The following ANKS1B variants were observed in gnomAD, a reference collection of about 807,000 sequenced individuals.
ANKS1B encodes the protein ankyrin repeat and sterile alpha motif domain-containing protein 1B.
ANKS1B carries 36 observed loss-of-function variants against 148.3 expected under a neutral mutation model. The ratio of observed to expected loss-of-function variants is 0.24; its 90% CI spans 0.19 to 0.32. ANKS1B has a LOEUF of 0.32. Ranked by LOEUF, ANKS1B falls within the 10% of genes least tolerant of loss-of-function variation. The pLI, the probability that ANKS1B is intolerant of heterozygous loss-of-function variation, is 1.00. For synonymous variants in ANKS1B, 542 were observed against 560.8 expected, an observed-to-expected ratio of 0.97 and a Z score of 0.47; for missense variants, 1,157 against 1,542.6, an observed-to-expected ratio of 0.75 and a Z score of 4.19.
At chr12:99,558,370 G>A (rs2097299673) in intron 9 of ANKS1B, among the ~76,000 whole-genome samples, 1 of 152,156 alleles carries the variant, frequency 6.6e-6, no homozygotes, top group Non-Finnish European at 1.5e-5. Context: ...CAGCAGTGGG[G>A]CAGCGGGGTA....
At chr12:98,936,819 T>A (rs1287210772) in intron 17 of ANKS1B, among the ~76,000 whole-genome samples, 1 of 152,200 alleles carries the variant, frequency 6.6e-6, no homozygotes, top group African/African-American at 2.4e-5. Flanking sequence ...AAGGATTACA[T>A]AATTGAACAC....
chr12:98,762,638 G>A (rs1231928822), intron 25 of ANKS1B, among the ~76,000 whole-genome samples: 1 of 152,162 alleles, frequency 6.6e-6, no homozygotes, highest in African/African-American at 2.4e-5. Flanking sequence ...GCTTATCCTT[G>A]AAGACTCACC....
At chr12:99,276,068 T>A (rs1344951643) in intron 12 of ANKS1B, among the ~76,000 whole-genome samples, 2 of 152,224 alleles carry the variant, frequency 1.3e-5, no homozygotes, top group East Asian at 3.9e-4. Flanking sequence ...AGAGTAGGAA[T>A]ACAGACAACA....
intron 4 of ANKS1B, among the ~76,000 whole-genome samples, chr12:99,785,961 A>G (rs1022749374): frequency 6.6e-6 from 1 of 152,228 alleles, no homozygotes; most frequent in Non-Finnish European, 1.5e-5. Flanking sequence ...TTTGAAGGAA[A>G]TGAGAAACTG....
At chr12:99,595,577 T>C (rs757510347) in intron 9 of ANKS1B, among the ~76,000 whole-genome samples, 1 of 151,918 alleles carries the variant, frequency 6.6e-6, no homozygotes. Context: ...AAACTAATTA[T>C]GTCCAACTGA....
chr12:99,610,733 A>G (rs1483370153), intron 9 of ANKS1B, among the ~76,000 whole-genome samples: 1 of 152,138 alleles, frequency 6.6e-6, no homozygotes, highest in Non-Finnish European at 1.5e-5. Flanking sequence ...TAATTTGAAA[A>G]GTTAATTTAT....
chr12:99,604,946 T>C (rs1261176908), intron 9 of ANKS1B, among the ~76,000 whole-genome samples: 1 of 151,952 alleles, frequency 6.6e-6, no homozygotes, highest in Non-Finnish European at 1.5e-5. Context: ...AAGACTAATA[T>C]GTGACCACAT....
At chr12:99,301,426 C>G (rs183483914) in intron 12 of ANKS1B, among the ~76,000 whole-genome samples, 1 of 152,198 alleles carries the variant, frequency 6.6e-6, no homozygotes, top group East Asian at 1.9e-4. Context: ...AGAATTACCA[C>G]TCACACAGTA....
Position 99,655,076 on chromosome 12 carries a change from C to T in ANKS1B, c.1263G>A (p.Met421Ile), listed in dbSNP as rs748558749. The change falls in exon 9 of 27, where the codon ATG (methionine) becomes ATA (isoleucine). Residue 421 changes from methionine to isoleucine, a missense_variant. This residue lies in a region of ANKS1B where 661 missense variants were observed against 642.1 expected (regional missense o/e 1.03). Coordinates refer to ENST00000683438, the MANE Select transcript of ANKS1B (RefSeq NM_001352186.2). ...CNGCRNLGFP[M>I]LAQESYPKKR... ...AAAAGCAAACTTTTACCTGGGCAAG[C>T]ATGGGGAAGCCAAGGTTCCTACATC... is the stretch of plus-strand genomic sequence containing the variant. 4 of 1,577,738 alleles carry T rather than the reference C, an allele frequency of 2.5e-6. No homozygotes were observed. The highest frequency in any genetic ancestry group is 2.7e-5 in the African/African-American group (2 of 74,398).
chr12:99,416,161 T>G (rs933594908), intron 11 of ANKS1B, among the ~76,000 whole-genome samples: 1 of 152,246 alleles, frequency 6.6e-6, no homozygotes, highest in Non-Finnish European at 1.5e-5. Context: ...CATACTTTTC[T>G]GCAGATTCAT....
intron 9 of ANKS1B, among the ~76,000 whole-genome samples, chr12:99,637,548 C>T (rs984608147): frequency 4.6e-5 from 7 of 152,000 alleles, no homozygotes; most frequent in Non-Finnish European, 8.8e-5. Flanking sequence ...TCTGGGCAGG[C>T]GCAATCTAAT....
At chr12:98,972,520 A>T (rs1014217065) in intron 17 of ANKS1B, among the ~76,000 whole-genome samples, 3 of 152,198 alleles carry the variant, frequency 2.0e-5, no homozygotes, top group African/African-American at 7.2e-5. Context: ...AGAAGTCACC[A>T]AGTTGAGATC....
At chr12:99,815,213 A>ATG (rs2068950304) in intron 2 of ANKS1B, among the ~76,000 whole-genome samples, 1 of 151,726 alleles carries the variant, frequency 6.6e-6, no homozygotes, top group Non-Finnish European at 1.5e-5. Flanking sequence ...TTTTCTAATA[A>ATG]TGTAAGTGAT....
intron 16 of ANKS1B, among the ~76,000 whole-genome samples, chr12:99,071,910 G>C (rs564449201): frequency 1.8e-4 from 27 of 152,220 alleles, no homozygotes; most frequent in Middle Eastern, 3.4e-3. Flanking sequence ...CTCCCAAAGT[G>C]CTGGGATTAC....
At chr12:99,783,680 G>T (rs186797899) in intron 4 of ANKS1B, among the ~76,000 whole-genome samples, 94 of 152,210 alleles carry the variant, frequency 6.2e-4, no homozygotes, top group Non-Finnish European at 1.1e-3. Flanking sequence ...AAAAAAGTTG[G>T]ACCCATAGAA....
chr12:99,141,581 A>G (rs1006734728), intron 15 of ANKS1B, among the ~76,000 whole-genome samples: 2 of 146,046 alleles, frequency 1.4e-5, no homozygotes, highest in African/African-American at 5.1e-5. Flanking sequence ...TCCCTCCCCC[A>G]ACCCCCACCC....
At chr12:99,701,041 A>C (rs754975932) in intron 8 of ANKS1B, among the ~76,000 whole-genome samples, 3 of 152,200 alleles carry the variant, frequency 2.0e-5, no homozygotes, top group Non-Finnish European at 4.4e-5. Context: ...ACGTGGTCTA[A>C]GTCCCAAGAA....
At chr12:99,851,614 T>C (rs1237497105) in intron 1 of ANKS1B, among the ~76,000 whole-genome samples, 1 of 152,092 alleles carries the variant, frequency 6.6e-6, no homozygotes, top group East Asian at 1.9e-4. Context: ...GGAGTGAAAT[T>C]TTTTTTCTAA....
At chr12:99,693,966 A>T (rs1567658174) in intron 8 of ANKS1B, among the ~76,000 whole-genome samples, 1 of 151,160 alleles carries the variant, frequency 6.6e-6, no homozygotes, top group Non-Finnish European at 1.5e-5. Flanking sequence ...TTTTTAGTAG[A>T]GACATGGTTT....
Sources: gnomAD v4.1 joint callset for allele counts (sites outside exome capture counted in the v4.1 genomes callset) on GRCh38, gnomAD v4.1.1 for gene constraint, gnomAD v4.1.1 regional missense constraint, MANE v1.5 for transcripts, NCBI Gene and HGNC (gene_info 2026-07-23, HGNC 2026-07-21) for gene names.